Variants in MECOM observed in about 807,000 individuals in gnomAD.
MECOM encodes the protein MDS1 and EVI1 complex locus, also known as histone-lysine N-methyltransferase MECOM.
MECOM carries 13 observed loss-of-function variants against 116.3 expected under a neutral mutation model. The observed-to-expected ratio is 0.11, with a 90% confidence interval of 0.07 to 0.18. MECOM has a LOEUF of 0.18. MECOM is among the 10% of genes least tolerant of loss of function. The pLI is 1.00. For missense variants in MECOM, 1,299 were observed against 1,509.0 expected (o/e 0.86, Z 2.31); for synonymous variants, 528 against 535.2 (o/e 0.99, Z 0.19).
intron 1 of MECOM, among the ~76,000 whole-genome samples, chr3:169,573,215 A>C (rs932280798): frequency 1.3e-5 from 2 of 152,218 alleles, no homozygotes; most frequent in Non-Finnish European, 2.9e-5. Context: ...TGTTTTCTGC[A>C]TAATAAAGAT....
At chr3:169,245,684 T>C (rs546854296) in intron 2 of MECOM, among the ~76,000 whole-genome samples, 2 of 152,300 alleles carry the variant, frequency 1.3e-5, no homozygotes, top group Admixed American at 6.5e-5. Flanking sequence ...AAAAATATGC[T>C]CTGTTATAGA....
At chr3:169,612,012 T>C (rs1034195816) in intron 1 of MECOM, among the ~76,000 whole-genome samples, 5 of 152,192 alleles carry the variant, frequency 3.3e-5, no homozygotes, top group Non-Finnish European at 5.9e-5. Flanking sequence ...CCCTGGCCTC[T>C]ACCCAGTAGG....
chr3:169,302,888 G>A (rs1717013440), intron 2 of MECOM, among the ~76,000 whole-genome samples: 1 of 151,592 alleles, frequency 6.6e-6, no homozygotes, highest in East Asian at 1.9e-4. Context: ...TAACATTTTA[G>A]AAACAAACTA....
intron 3 of MECOM, among the ~76,000 whole-genome samples, chr3:169,139,487 G>A (rs1442773359): frequency 6.6e-6 from 1 of 152,046 alleles, no homozygotes; most frequent in Non-Finnish European, 1.5e-5. Context: ...CTAACTATCA[G>A]TGGAAAGGCA....
chr3:169,092,701 G>T (rs1720132231), intron 14 of MECOM, among the ~76,000 whole-genome samples: 1 of 151,942 alleles, frequency 6.6e-6, no homozygotes, highest in African/African-American at 2.4e-5. Context: ...CTGACACAAT[G>T]GTTTAAGCTT....
chr3:169,182,429 G>A (rs935568734), intron 2 of MECOM, among the ~76,000 whole-genome samples: 7 of 152,136 alleles, frequency 4.6e-5, no homozygotes, highest in African/African-American at 9.7e-5. Flanking sequence ...CACGAGCTCC[G>A]CTGACCACAC....
At chr3:169,416,288 T>A (rs1407390392) in intron 1 of MECOM, among the ~76,000 whole-genome samples, 2 of 151,838 alleles carry the variant, frequency 1.3e-5, no homozygotes, top group African/African-American at 4.8e-5. Flanking sequence ...GGGTAAATAA[T>A]GAAATTAAGG....
chr3:169,410,639 T>C (rs1275837043), intron 1 of MECOM, among the ~76,000 whole-genome samples: 2 of 152,156 alleles, frequency 1.3e-5, no homozygotes, highest in African/African-American at 4.8e-5. Flanking sequence ...CTCCTCCACA[T>C]TTACAAAGTT....
At chr3:169,331,602 G>A (rs1722729707) in intron 2 of MECOM, among the ~76,000 whole-genome samples, 1 of 152,120 alleles carries the variant, frequency 6.6e-6, no homozygotes, top group Non-Finnish European at 1.5e-5. Context: ...TAACACACTG[G>A]AAGACTATAG....
At chr3:169,407,566 C>T (rs187434324) in intron 1 of MECOM, among the ~76,000 whole-genome samples, 1 of 152,320 alleles carries the variant, frequency 6.6e-6, no homozygotes, top group African/African-American at 2.4e-5. Context: ...ACAAAATGTA[C>T]TCTTGACATG....
chr3:169,616,232 G>C (rs1032808422), intron 1 of MECOM, among the ~76,000 whole-genome samples: 2 of 152,206 alleles, frequency 1.3e-5, no homozygotes, highest in African/African-American at 4.8e-5. Flanking sequence ...ATCAAGGAAA[G>C]CTTCATCTCA....
chr3:169,335,027 T>C (rs1487811037), intron 2 of MECOM, among the ~76,000 whole-genome samples: 1 of 152,120 alleles, frequency 6.6e-6, no homozygotes, highest in Non-Finnish European at 1.5e-5. Context: ...CTGTGGCAAA[T>C]AAGAAAGAAA....
intron 2 of MECOM, among the ~76,000 whole-genome samples, chr3:169,335,045 CACTGGTTTAT>C (rs2149781381): frequency 6.6e-6 from 1 of 152,284 alleles, no homozygotes; most frequent in Admixed American, 6.5e-5. Flanking sequence ...AAATGGCCCC[CACTGGTTTAT>C]ACAAAACGCA....
At chr3:169,154,831 T>G (rs1741707606) in intron 2 of MECOM, among the ~76,000 whole-genome samples, 1 of 152,208 alleles carries the variant, frequency 6.6e-6, no homozygotes, top group Admixed American at 6.5e-5. Context: ...TTATTTTGCC[T>G]TGGTTATCAT....
chr3:169,390,841 A>G (rs184636893), intron 1 of MECOM, among the ~76,000 whole-genome samples: 69 of 152,302 alleles, frequency 4.5e-4, no homozygotes, highest in Middle Eastern at 3.4e-3. Flanking sequence ...CAAGGAGGCT[A>G]TAATTCTAAT....
intron 2 of MECOM, among the ~76,000 whole-genome samples, chr3:169,380,322 C>G (rs1364962524): frequency 6.6e-6 from 1 of 152,028 alleles, no homozygotes; most frequent in East Asian, 1.9e-4. Context: ...CAGATAGAAA[C>G]AAGATTTTCC....
At chr3:169,416,933 T>C (rs930645685) in intron 1 of MECOM, among the ~76,000 whole-genome samples, 3 of 152,180 alleles carry the variant, frequency 2.0e-5, no homozygotes, top group Admixed American at 6.5e-5. Flanking sequence ...GATGCCTTCC[T>C]TACACCTTAT....
chr3:169,299,213 T>A (rs1716228970), intron 2 of MECOM, among the ~76,000 whole-genome samples: 1 of 152,032 alleles, frequency 6.6e-6, no homozygotes, highest in Admixed American at 6.5e-5. Context: ...GACACCACAC[T>A]CAGGAGGCCC....
At chr3:169,607,088 A>T (rs916493067) in intron 1 of MECOM, among the ~76,000 whole-genome samples, 4 of 152,240 alleles carry the variant, frequency 2.6e-5, no homozygotes, top group African/African-American at 9.6e-5. Flanking sequence ...ATAATACTTT[A>T]AAAAAAGTTT....
Sources: gnomAD v4.1 joint callset for allele counts (sites outside exome capture counted in the v4.1 genomes callset) on GRCh38, gnomAD v4.1.1 for gene constraint, MANE v1.5 for transcripts, NCBI Gene and HGNC (gene_info 2026-07-23, HGNC 2026-07-21) for gene names.